LGSN: variants seen among roughly 807,000 people sequenced by gnomAD.
LGSN encodes the protein lengsin, lens protein with glutamine synthetase domain, also known as lengsin.
Under a neutral mutation model 19.5 loss-of-function variants are expected in LGSN, and 21 were observed. The ratio of observed to expected loss-of-function variants is 1.07; its 90% CI spans 0.76 to 1.55. The LOEUF (loss-of-function observed/expected upper bound fraction) is 1.55. Ranked by LOEUF, LGSN falls within the 40% of genes most tolerant of loss-of-function variation. The probability of loss-of-function intolerance (pLI) is 0.00; values close to 1 mark genes in which losing one functional copy is unlikely to be tolerated. For missense variants in LGSN, 673 were observed against 608.5 expected, an observed-to-expected ratio of 1.11 and a Z score of -1.12; for synonymous variants, 257 against 215.6, an observed-to-expected ratio of 1.19 and a Z score of -1.68.
At chr6:63,509,308 G>T in the LGSN span, among the ~76,000 whole-genome samples, 1 of 151,866 alleles carries the variant, frequency 6.6e-6, no homozygotes, top group Non-Finnish European at 1.5e-5. Flanking sequence ...CAGGTGATCC[G>T]CCTGCCTTGG....
chr6:63,422,860 A>G, the LGSN span, among the ~76,000 whole-genome samples: 1 of 152,220 alleles, frequency 6.6e-6, no homozygotes, highest in Non-Finnish European at 1.5e-5. Flanking sequence ...CTTCACTCCT[A>G]ATGTATCAAT....
chr6:63,368,138 G>A, the LGSN span, among the ~76,000 whole-genome samples: 1 of 150,392 alleles, frequency 6.6e-6, no homozygotes, highest in Non-Finnish European at 1.5e-5. Flanking sequence ...AAAAAAAGAG[G>A]GAGCAACTTT....
the LGSN span, among the ~76,000 whole-genome samples, chr6:63,503,173 T>C: frequency 6.6e-6 from 1 of 152,232 alleles, no homozygotes; most frequent in Non-Finnish European, 1.5e-5. Flanking sequence ...AACTATGACA[T>C]TACTTCTAGC....
At chr6:63,564,518 C>T in the LGSN span, among the ~76,000 whole-genome samples, 1 of 152,184 alleles carries the variant, frequency 6.6e-6, no homozygotes, top group East Asian at 1.9e-4. Context: ...TTATGTAAGG[C>T]CTGCCCCAGT....
At chr6:63,571,477 A>G in the LGSN span, 6 of 152,350 alleles carry the variant, frequency 3.9e-5, no homozygotes, top group East Asian at 1.9e-4. Context: ...CAGAATTGCG[A>G]TAAGACTTTA....
upstream of LGSN, among the ~76,000 whole-genome samples, chr6:63,323,973 A>G (rs1769165110): frequency 6.6e-6 from 1 of 151,910 alleles, no homozygotes; most frequent in Non-Finnish European, 1.5e-5. Flanking sequence ...GGGTTTCGCC[A>G]TGTTGGCCAG....
the LGSN span, among the ~76,000 whole-genome samples, chr6:63,420,008 AT>A: frequency 1.4e-4 from 21 of 145,012 alleles, no homozygotes; most frequent in African/African-American, 5.3e-4. Context: ...GATTGAGACC[AT>A]GGCTAACACG....
At chr6:63,340,081 T>C in the LGSN span, among the ~76,000 whole-genome samples, 2 of 152,286 alleles carry the variant, frequency 1.3e-5, no homozygotes, top group Admixed American at 6.5e-5. Flanking sequence ...TTTCAGCACT[T>C]TGAATATATC....
chr6:63,543,583 T>G, the LGSN span, among the ~76,000 whole-genome samples: 1 of 152,202 alleles, frequency 6.6e-6, no homozygotes, highest in African/African-American at 2.4e-5. Context: ...GTGTTGATGA[T>G]TGAATGTGAG....
At chr6:63,442,307 A>G in the LGSN span, among the ~76,000 whole-genome samples, 51 of 152,322 alleles carry the variant, frequency 3.3e-4, no homozygotes, top group East Asian at 8.7e-3. Flanking sequence ...ACAGAGAAAG[A>G]ACAAAGCTTC....
chr6:63,510,192 T>C, the LGSN span, among the ~76,000 whole-genome samples: 2 of 152,186 alleles, frequency 1.3e-5, no homozygotes, highest in African/African-American at 4.8e-5. Context: ...AAGTATGTCA[T>C]TGCCGCCTTC....
the LGSN span, among the ~76,000 whole-genome samples, chr6:63,515,579 T>C: frequency 6.6e-6 from 1 of 152,210 alleles, no homozygotes; most frequent in Non-Finnish European, 1.5e-5. Flanking sequence ...ATGTTGAAAA[T>C]TGTAAGCAAC....
the LGSN span, among the ~76,000 whole-genome samples, chr6:63,357,002 C>T: frequency 1.7e-5 from 2 of 119,350 alleles, no homozygotes; most frequent in African/African-American, 6.2e-5. Context: ...CCACAACAGG[C>T]CCCGGTGTGT....
At chr6:63,292,742 T>C (rs1286631798) in intron 2 of LGSN, among the ~76,000 whole-genome samples, 1 of 152,218 alleles carries the variant, frequency 6.6e-6, no homozygotes, top group African/African-American at 2.4e-5. Flanking sequence ...GCTTAGAACT[T>C]GCCTGGACTG....
At chr6:63,387,596 G>T in the LGSN span, among the ~76,000 whole-genome samples, 1 of 152,072 alleles carries the variant, frequency 6.6e-6, no homozygotes, top group African/African-American at 2.4e-5. Flanking sequence ...TTTTATCATG[G>T]ATTAAAAATA....
the LGSN span, among the ~76,000 whole-genome samples, chr6:63,333,422 AAAAAG>A: frequency 5.3e-5 from 8 of 151,728 alleles, no homozygotes; most frequent in Admixed American, 2.6e-4. Context: ...AACCAGGCAA[AAAAAG>A]AAAAGAAAAG....
the LGSN span, among the ~76,000 whole-genome samples, chr6:63,381,052 A>G: frequency 6.6e-6 from 1 of 152,130 alleles, no homozygotes; most frequent in Non-Finnish European, 1.5e-5. Flanking sequence ...ATACACAAAA[A>G]TTAGCCAGGC....
At chr6:63,295,928 A>T (rs1363917470) in intron 1 of LGSN, among the ~76,000 whole-genome samples, 1 of 152,192 alleles carries the variant, frequency 6.6e-6, no homozygotes, top group Admixed American at 6.5e-5. Context: ...GAGAGAGGAA[A>T]GTGACAGGGT....
the LGSN span, among the ~76,000 whole-genome samples, chr6:63,380,635 C>T: frequency 6.6e-6 from 1 of 151,886 alleles, no homozygotes; most frequent in African/African-American, 2.4e-5. Flanking sequence ...TGCAGGTTAG[C>T]CAACAGGATA....
Sources: allele counts gnomAD v4.1 joint callset (sites outside exome capture counted in the v4.1 genomes callset), GRCh38; gene constraint gnomAD v4.1.1; transcripts MANE v1.5; gene names NCBI Gene and HGNC (gene_info 2026-07-23, HGNC 2026-07-21).